Variants in BCKDK observed in about 807,000 individuals in gnomAD.
BCKDK encodes branched chain keto acid dehydrogenase kinase.
A neutral mutation model predicts 43.9 loss-of-function variants in BCKDK; 28 were observed. That is an observed-to-expected ratio of 0.64 (90% CI 0.47 to 0.87). The LOEUF (loss-of-function observed/expected upper bound fraction) is 0.87. Among genes scored for constraint, BCKDK ranks in the 40% least tolerant of loss-of-function variants. The pLI is 0.00. For missense variants in BCKDK, 483 were observed against 581.4 expected (o/e 0.83, Z 1.74); for synonymous variants, 257 against 234.3 (o/e 1.10, Z -0.88).
rs2057404149 is a variant in BCKDK, at chr16:31,110,684, C to G, written c.643-4C>G. The G allele has an allele frequency of 6.2e-7, 1 of 1,613,936 alleles. No individual in the cohort carries two copies. Among genetic ancestry groups the G allele is most frequent in the South Asian group, 1.1e-5 (1 of 91,076 alleles). ...GGTAGTCCTGACCTCCTTTCTCCGG[C>G]CAGCCTGACTTTGTCGGCATCATCT... is the stretch of plus-strand genomic sequence containing the variant. On this transcript the variant is annotated splice_polypyrimidine_tract_variant and splice_region_variant and intron_variant, in intron 7 of 11. Coordinates refer to ENST00000219794, the MANE Select transcript of BCKDK (RefSeq NM_005881.4). The surrounding 1 kb of genome is among the most constrained non-coding windows in gnomAD (Gnocchi z 5.4).
chr16:31,115,583 G>A (rs772253080), downstream of BCKDK, among the ~76,000 whole-genome samples: 16 of 152,010 alleles, frequency 1.1e-4, no homozygotes, highest in Admixed American at 9.2e-4. Context: ...CTGGAGTGCA[G>A]TGGAGGGATT....
downstream of BCKDK, among the ~76,000 whole-genome samples, chr16:31,114,297 C>A (rs9924048): frequency 6.7e-6 from 1 of 148,666 alleles, no homozygotes; most frequent in East Asian, 1.9e-4. Context: ...CCCACCCCCC[C>A]CCAACCCCAG....
At position 31,112,449 on chromosome 16, in the gene BCKDK, C is replaced by T. The variant is rs1458467811; in HGVS notation, c.*184C>T. ...CTCAACAGGGTCCATTGCCTCCTCG[C>T]CTCCAGAACTTGGAGCAGGGAAGTG... On this transcript the variant is annotated 3_prime_UTR_variant, in exon 12 of 12. Transcript: ENST00000219794. The surrounding 1 kb of genome is among the most constrained non-coding windows in gnomAD (Gnocchi z 5.0). 2.0e-6 allele frequency: 2 copies of T among 987,928 alleles called. No homozygotes were observed. Among genetic ancestry groups the T allele is most frequent in the African/African-American group, 3.2e-5 (2 of 62,392 alleles). The allele number at this position is 987,928 out of a possible 1,614,324, so 61.2% of individuals were successfully genotyped here.
Position 31,111,966 on chromosome 16 carries a change from A to G in BCKDK, c.1033A>G (p.Ile345Val). 3 of 1,614,060 alleles carry G rather than the reference A, an allele frequency of 1.9e-6. No individual in the cohort carries two copies. The highest frequency in any genetic ancestry group is 2.5e-6 in the Non-Finnish European group (3 of 1,179,998). Residue 345 changes from isoleucine to valine, a missense_variant, in exon 11 of 12, where the codon ATC (isoleucine) becomes GTC (valine). Transcript: ENST00000219794. ...TGAGGCCAGCACACAGGACCCCCGG[A>G]TCAGCCCCCTCTTTGGCCATCTGGA... ...TAEASTQDPR[I>V]SPLFGHLDMH... is the part of the protein sequence containing the mutation.
chr16:31,111,902 A>G lies in BCKDK; in HGVS notation c.969A>G (p.Lys323=). 1 of 1,614,192 alleles carries G rather than the reference A, an allele frequency of 6.2e-7. No homozygotes were observed. Among genetic ancestry groups the G allele is most frequent in the Non-Finnish European group, 8.5e-7 (1 of 1,180,030 alleles). The change falls in exon 11 of 12, where the codon AAA becomes AAG. Residue 323 remains lysine, a synonymous_variant. Transcript: ENST00000219794. ...ISDRGGGIAH[K]DLDRVMDYHF... is the part of the protein sequence containing the mutation. Reference sequence around the variant, plus strand: ...ACCGTGGTGGAGGAATCGCTCACAAAGATCTGGACCGGGTCATGGACTACC... The same window carrying G: ...ACCGTGGTGGAGGAATCGCTCACAAGGATCTGGACCGGGTCATGGACTACC...
rs2057396085 is a variant in BCKDK at position 31,109,868 on chromosome 16, G to T, written c.375+85G>T. 6.8e-7 allele frequency: 1 copy of T among 1,480,814 alleles called. No individual in the cohort carries two copies. Among genetic ancestry groups the T allele is most frequent in the East Asian group, 2.3e-5 (1 of 43,842 alleles). The allele number at this position is 1,480,814 out of a possible 1,614,324, so 91.7% of individuals were successfully genotyped here. A position where few individuals can be genotyped will look rare whatever the true frequency, so the allele number is the denominator to read the frequency against. On this transcript the variant is annotated intron_variant, in intron 4 of 11. Transcript: ENST00000219794. This position sits in a 1 kb window ranked among gnomAD's most constrained non-coding sequence, Gnocchi z 5.3. Reference sequence around the variant, plus strand: ...CTGGGGCCCAGAGTGGCAGACGATTGCTTGCCTAAAGGTGTCAGGGCCACA... The same window carrying T: ...CTGGGGCCCAGAGTGGCAGACGATTTCTTGCCTAAAGGTGTCAGGGCCACA...
chr16:31,111,764 T>A, intron 10 of BCKDK, 105 bp from the exon 11 acceptor site: 2 of 1,468,732 alleles, frequency 1.4e-6, no homozygotes, highest in South Asian at 2.5e-5. Context: ...ACATTCCAGC[T>A]CTGGGTGGAA....
At chr16:31,116,576 G>A (rs139617796), downstream of BCKDK, among the ~76,000 whole-genome samples, 47 of 151,842 alleles carry the variant, frequency 3.1e-4, no homozygotes, top group African/African-American at 1.0e-3. Flanking sequence ...TGCTTTCCCC[G>A]CACCAACTGT....
rs776559829 is a variant in BCKDK, at chr16:31,109,298, C to A, written c.75C>A (p.Leu25=). The A allele has an allele frequency of 1.2e-6, 2 of 1,604,794 alleles. No homozygotes were observed. Among genetic ancestry groups the A allele is most frequent in the African/African-American group, 1.3e-5 (1 of 74,888 alleles). The change falls in exon 2 of 12, where the codon CTC becomes CTA. Residue 25 remains leucine (L), a synonymous_variant. Coordinates refer to ENST00000219794, the MANE Select transcript of BCKDK (RefSeq NM_005881.4). The surrounding 1 kb of genome is among the most constrained non-coding windows in gnomAD (Gnocchi z 5.3). The part of the protein sequence containing the change: ...LPLRPLLGPA[L]ALRARSTSAT... The stretch of plus-strand genomic sequence containing the variant: ...TCCGGCCCCTCCTGGGACCCGCACT[C>A]GCGCTCCGGGCCCGCTCGACGTCGG...
chr16:31,109,413 G>A lies in BCKDK; in HGVS notation c.190G>A (p.Glu64Lys), dbSNP rs764614335. 2.5e-6 allele frequency: 4 copies of A among 1,610,164 alleles called. No homozygotes were observed. The highest frequency in any genetic ancestry group is 2.5e-6 in the Non-Finnish European group (3 of 1,177,430). Reference protein sequence around the residue: ...YNQSAIDAAAEKPSVRLTPTM... With the variant: ...YNQSAIDAAAKKPSVRLTPTM... ...CCAGTCGGCCATCGACGCGGCAGCGGAGAAGGTGCGCAAGGGGGCAGCCAG... is the reference window on the plus strand; with the variant it reads ...CCAGTCGGCCATCGACGCGGCAGCGAAGAAGGTGCGCAAGGGGGCAGCCAG... The change falls in exon 2 of 12, where the codon GAG (glutamate) becomes AAG (lysine). Residue 64 changes from glutamate to lysine, a missense_variant. By Grantham distance (56) the Glu-to-Lys change is moderately conservative. Transcript: ENST00000219794. The surrounding 1 kb of genome is among the most constrained non-coding windows in gnomAD (Gnocchi z 5.3).
chr16:31,117,003 C>T (rs1032105770), downstream of BCKDK, among the ~76,000 whole-genome samples: 1 of 151,612 alleles, frequency 6.6e-6, no homozygotes, highest in African/African-American at 2.4e-5. Context: ...CGCTCTGGCT[C>T]TGCCCTGTTA....
rs749243097 is a variant in BCKDK, at chr16:31,109,696, A to G, written c.288A>G (p.Gln96=). The G allele has an allele frequency of 6.2e-7, 1 of 1,614,046 alleles. No homozygotes were observed. Among genetic ancestry groups the G allele is most frequent in the Non-Finnish European group, 8.5e-7 (1 of 1,180,022 alleles). ...HLLKSARYLQ[Q]ELPVRIAHRI... ...AGAAAAGTGCTCGGTACCTGCAGCA[A>G]GAACTTCCAGTGAGGATTGCTCACC... The change falls in exon 4 of 12, where the codon CAA becomes CAG. Residue 96 remains glutamine (Q), a synonymous_variant. Transcript: ENST00000219794. The surrounding 1 kb of genome is among the most constrained non-coding windows in gnomAD (Gnocchi z 5.3).
Position 31,109,164 on chromosome 16 carries a change from G to T in BCKDK, c.-60G>T, listed in dbSNP as rs2057387315. The T allele has an allele frequency of 7.0e-7, 1 of 1,420,288 alleles. No homozygotes were observed. The highest frequency in any genetic ancestry group is 3.0e-5 in the Admixed American group (1 of 33,738). The allele number at this position is 1,420,288 out of a possible 1,614,324, so 88.0% of individuals were successfully genotyped here. ...CCTTGCCCCATTTTGGGTCGCCTGG[G>T]TCCTCAGTCCTAGCGGATCCTCAGT... is the stretch of plus-strand genomic sequence containing the variant. On this transcript the variant is annotated 5_prime_UTR_variant, in exon 2 of 12. Coordinates refer to ENST00000219794, the MANE Select transcript of BCKDK (RefSeq NM_005881.4). The surrounding 1 kb of genome is among the most constrained non-coding windows in gnomAD (Gnocchi z 5.3).
Position 31,112,235 on chromosome 16 carries a change from C to A in BCKDK, c.1209C>A (p.Ile403=). 1 of 1,611,012 alleles carries A rather than the reference C, an allele frequency of 6.2e-7. No individual in the cohort carries two copies. The highest frequency in any genetic ancestry group is 8.5e-7 in the Non-Finnish European group (1 of 1,179,998). The change falls in exon 12 of 12, where the codon ATC becomes ATA. Residue 403 remains isoleucine (I), a synonymous_variant. Coordinates refer to ENST00000219794, the MANE Select transcript of BCKDK (RefSeq NM_005881.4). The surrounding 1 kb of genome is among the most constrained non-coding windows in gnomAD (Gnocchi z 5.0). ...ACGTCTACCTGCGGCTCCGCCACAT[C>A]GATGGCCGGGAGGAAAGCTTCCGGA... ...GTDVYLRLRH[I]DGREESFRI is the part of the protein sequence containing the mutation.
Position 31,112,432 on chromosome 16 carries a change from G to GGT in BCKDK, c.*168_*169dup. 1 of 1,149,564 alleles carries GGT rather than the reference G, an allele frequency of 8.7e-7. No individual in the cohort carries two copies. The highest frequency in any genetic ancestry group is 1.3e-6 in the Non-Finnish European group (1 of 794,920). The allele number at this position is 1,149,564 out of a possible 1,614,324, so 71.2% of individuals were successfully genotyped here. A position where few individuals can be genotyped will look rare whatever the true frequency, so the allele number is the denominator to read the frequency against. On this transcript the variant is annotated 3_prime_UTR_variant, in exon 12 of 12. Transcript: ENST00000219794. The surrounding 1 kb of genome is among the most constrained non-coding windows in gnomAD (Gnocchi z 5.0). ...GCTGGGCACTGCCCTGCCTCAACAG[G>GGT]GTCCATTGCCTCCTCGCCTCCAGAA...
At position 31,109,737 on chromosome 16, in the gene BCKDK, G is replaced by A. The variant is rs771666142; in HGVS notation, c.329G>A (p.Arg110His). ...ATTGCTCACCGCATCAAGGGCTTCC[G>A]CTGCCTTCCTTTCATCATTGGCTGC... is the stretch of plus-strand genomic sequence containing the variant. ...VRIAHRIKGF[R>H]CLPFIIGCNP... Residue 110 changes from arginine (R) to histidine (H), a missense_variant, in exon 4 of 12, where the codon CGC (arginine) becomes CAC (histidine). Transcript: ENST00000219794. This position sits in a 1 kb window ranked among gnomAD's most constrained non-coding sequence, Gnocchi z 5.3. The A allele has an allele frequency of 8.1e-6, 13 of 1,613,784 alleles. No homozygotes were observed. Among genetic ancestry groups the A allele is most frequent in the South Asian group, 1.1e-5 (1 of 91,088 alleles).
chr16:31,116,264 G>A (rs1315638833), downstream of BCKDK, among the ~76,000 whole-genome samples: 1 of 148,458 alleles, frequency 6.7e-6, no homozygotes, highest in Non-Finnish European at 1.5e-5. Context: ...CCAGGCTGGA[G>A]TGCAATGGCG....
chr16:31,111,142 C>T lies in BCKDK; in HGVS notation c.768C>T (p.Gly256=), dbSNP rs748945951. Residue 256 remains glycine, a synonymous_variant, in exon 9 of 12, where the codon GGC becomes GGT. Coordinates refer to ENST00000219794, the MANE Select transcript of BCKDK (RefSeq NM_005881.4). The part of the protein sequence containing the change: ...YGNAPRVRIN[G]HVAARFPFIP... The stretch of plus-strand genomic sequence containing the variant: ...ATGCGCCCCGTGTCCGCATCAATGG[C>T]CATGTGGCTGCCCGGTTCCCCTTCA... 16 of 1,614,074 alleles carry T rather than the reference C, an allele frequency of 9.9e-6. No homozygotes were observed. Among genetic ancestry groups the T allele is most frequent in the African/African-American group, 2.7e-5 (2 of 74,920 alleles).
chr16:31,115,222 C>CT (rs56055700), downstream of BCKDK, among the ~76,000 whole-genome samples: 48,432 of 128,938 alleles, frequency 0.38, 9,933 homozygotes, highest in East Asian at 0.87. Flanking sequence ...CGCGCCCAGT[C>CT]TTTTTTTTTT....
Sources: gnomAD v4.1 joint callset for allele counts (sites outside exome capture counted in the v4.1 genomes callset) on GRCh38, gnomAD v4.1.1 for gene constraint, Gnocchi (gnomAD v3.1) non-coding constraint, MANE v1.5 for transcripts, NCBI Gene and HGNC (gene_info 2026-07-23, HGNC 2026-07-21) for gene names.